NCAPD2: variants seen among roughly 807,000 people sequenced by gnomAD.
NCAPD2 encodes condensin complex subunit 1.
A neutral mutation model predicts 164.5 loss-of-function variants in NCAPD2; 100 were observed. That is an observed-to-expected ratio of 0.61 (90% CI 0.52 to 0.72). NCAPD2 has a LOEUF of 0.72. Among genes scored for constraint, NCAPD2 ranks in the 30% least tolerant of loss-of-function variants. The pLI is 0.00. For synonymous variants in NCAPD2, 585 were observed against 642.6 expected (o/e 0.91, Z 1.36); for missense variants, 1,560 against 1,749.2 (o/e 0.89, Z 1.93).
chr12:6,529,296 C>A (rs1271709662), intron 27 of NCAPD2: 1 of 619,138 alleles, frequency 1.6e-6, no homozygotes, highest in Non-Finnish European at 2.8e-6. Context: ...GCAGCTGCTC[C>A]TGTTAATTTC....
intron 2 of NCAPD2, among the ~76,000 whole-genome samples, chr12:6,504,837 T>A (rs1196845436): frequency 1.3e-5 from 2 of 152,150 alleles, no homozygotes; most frequent in African/African-American, 2.4e-5. Flanking sequence ...ACATGATGAA[T>A]CATGTAAAAT....
rs1336881272 is a variant in NCAPD2, at chr12:6,516,754, A to G, written c.988-74A>G. 4 of 1,477,706 alleles carry G rather than the reference A, an allele frequency of 2.7e-6. No homozygotes were observed. The Admixed American group carries it at 5.3e-5, about 20-fold the overall frequency. 91.5% of individuals were successfully genotyped at this position (1,477,706 alleles called of 1,614,324 possible). A position where few individuals can be genotyped will look rare whatever the true frequency, so the allele number is the denominator to read the frequency against. Reference sequence around the variant, plus strand: ...GAGTGAATACCTAGGCAGTTAATGGAAAAAGTTATGGCCAAGCACAAGCAA... The same window carrying G: ...GAGTGAATACCTAGGCAGTTAATGGGAAAAGTTATGGCCAAGCACAAGCAA... On this transcript the variant is annotated intron_variant, in intron 9 of 31. Coordinates refer to ENST00000315579, the MANE Select transcript of NCAPD2 (RefSeq NM_014865.4).
At position 6,527,389 on chromosome 12, in the gene NCAPD2, CG is replaced by C. The variant is rs774808197; in HGVS notation, c.2907+328del. Among the ~76,000 whole-genome samples, 5 of 152,338 alleles carry C rather than the reference CG, an allele frequency of 3.3e-5. No homozygotes were observed. The East Asian group carries it at 7.7e-4, about 24-fold the overall frequency. On this transcript the variant is annotated intron_variant, in intron 22 of 31. Coordinates refer to ENST00000315579, the MANE Select transcript of NCAPD2 (RefSeq NM_014865.4). ...TCAGCTTCCATTGCTGGCCTGGCCCCGGATGGGGCCCTGTGTTCCCTCCACT... is the reference window on the plus strand; with the variant it reads ...TCAGCTTCCATTGCTGGCCTGGCCCCGATGGGGCCCTGTGTTCCCTCCACT...
intron 21 of NCAPD2, 112 bp downstream of exon 21, chr12:6,526,727 G>A (rs1233734106): frequency 3.7e-5 from 54 of 1,465,812 alleles, no homozygotes; most frequent in Admixed American, 4.1e-5. Flanking sequence ...ACACTGTGTC[G>A]TTTTTGTCTA....
At chr12:6,525,770 G>T in intron 18 of NCAPD2, 54 bp downstream of exon 18, 1 of 1,592,862 alleles carries the variant, frequency 6.3e-7, no homozygotes. Flanking sequence ...AAGGTTCTGA[G>T]AGGGCTCCTT....
At chr12:6,504,184 T>TATATATATATATATATAC (rs1946068977) in intron 2 of NCAPD2, among the ~76,000 whole-genome samples, 2 of 20,388 alleles carry the variant, frequency 9.8e-5, no homozygotes, top group Non-Finnish European at 1.8e-4. Context: ...TATATATACA[T>TATATATATATATATATAC]ATATATATAT....
chr12:6,522,594 G>C (rs1470524077), intron 15 of NCAPD2, among the ~76,000 whole-genome samples: 2 of 139,158 alleles, frequency 1.4e-5, no homozygotes, highest in Non-Finnish European at 3.1e-5. Context: ...CTTAAGAAAA[G>C]AAAAAAAAAA....
Position 6,528,950 on chromosome 12 carries a change from C to T in NCAPD2, c.3483C>T (p.Asn1161=), listed in dbSNP as rs740850. ...NFFNELSHKG[N]AIYNLLPDII... ...TGGCTCTCTCTGTCTTACAGGGCAA[C>T]GCAATCTATAATCTCCTTCCAGATA... is the stretch of plus-strand genomic sequence containing the variant. The change falls in exon 27 of 32, where the codon AAC becomes AAT. Residue 1161 remains asparagine, a synonymous_variant. Coordinates refer to ENST00000315579, the MANE Select transcript of NCAPD2 (RefSeq NM_014865.4). This position sits in a 1 kb window ranked among gnomAD's most constrained non-coding sequence, Gnocchi z 5.1. 444,384 of 1,613,344 alleles carry T rather than the reference C, an allele frequency of 0.28. 65,096 individuals carry two copies. The highest frequency in any genetic ancestry group is 0.51 in the African/African-American group (38,203 of 74,920).
chr12:6,524,277 A>G (rs1946294605), intron 17 of NCAPD2, among the ~76,000 whole-genome samples: 1 of 152,168 alleles, frequency 6.6e-6, no homozygotes, highest in African/African-American at 2.4e-5. Context: ...GAGGGAGGGC[A>G]TTTCAAACAG....
In NCAPD2 at chr12:6,528,498, A is replaced by C; in HGVS notation, c.3299+170A>C. ...GCTAAGAGTCACCCCAGTGGGACTGACACTTCTGGTTAGAAGCTTCACCTC... is the reference window on the plus strand; with the variant it reads ...GCTAAGAGTCACCCCAGTGGGACTGCCACTTCTGGTTAGAAGCTTCACCTC... On this transcript the variant is annotated intron_variant, in intron 25 of 31. Coordinates refer to ENST00000315579, the MANE Select transcript of NCAPD2 (RefSeq NM_014865.4). The surrounding 1 kb of genome is among the most constrained non-coding windows in gnomAD (Gnocchi z 5.1). 7.9e-6 allele frequency: 9 copies of C among 1,136,640 alleles called. No individual in the cohort carries two copies. Among genetic ancestry groups the C allele is most frequent in the Non-Finnish European group, 1.1e-5 (9 of 800,438 alleles). The allele number at this position is 1,136,640 out of a possible 1,614,324, so 70.4% of individuals were successfully genotyped here.
In NCAPD2 at chr12:6,527,935, C is replaced by T. The variant is rs372679971; in HGVS notation, c.3020-33C>T. ...AGCAGTTTCTTCCCAATTAAGATAA[C>T]CTGTCCCAAACCTGCAGTTACTCTT... is the stretch of plus-strand genomic sequence containing the variant. On this transcript the variant is annotated intron_variant, in intron 23 of 31. Transcript: ENST00000315579. The T allele has an allele frequency of 7.4e-6, 12 of 1,614,064 alleles. No individual in the cohort carries two copies. In the African/African-American group the frequency reaches 1.5e-4, roughly 20 times the overall value.
chr12:6,504,232 T>TATATATATATACATATATAC, intron 2 of NCAPD2, among the ~76,000 whole-genome samples: 1 of 102,768 alleles, frequency 9.7e-6, no homozygotes, highest in South Asian at 3.4e-4. Flanking sequence ...TAGATATATA[T>TATATATATATACATATATAC]ATATATATAT....
intron 1 of NCAPD2, among the ~76,000 whole-genome samples, 166 bp downstream of exon 1, chr12:6,494,320 CGCTT>C (rs1945954824): frequency 2.5e-5 from 1 of 40,206 alleles, no homozygotes; most frequent in African/African-American, 1.8e-4. Context: ...TTAAGCAAAT[CGCTT>C]AACAGATCCG....
chr12:6,510,437 G>C, intron 4 of NCAPD2, 192 bp from the exon 5 acceptor site: 1 of 799,630 alleles, frequency 1.3e-6, no homozygotes, highest in Non-Finnish European at 2.2e-6. Flanking sequence ...GGTAACTGGA[G>C]TGAGAGAGTA....
At chr12:6,513,239 C>T (rs549378842) in intron 6 of NCAPD2, among the ~76,000 whole-genome samples, 25 of 152,286 alleles carry the variant, frequency 1.6e-4, no homozygotes, top group African/African-American at 4.8e-4. Flanking sequence ...CCCTAGGGCA[C>T]TCCAGCATTA....
intron 9 of NCAPD2, among the ~76,000 whole-genome samples, chr12:6,516,195 C>CAA (rs1229356308): frequency 7.2e-6 from 1 of 138,314 alleles, no homozygotes; most frequent in Admixed American, 7.5e-5. Context: ...GACTCTGTCT[C>CAA]AAAAAAAAAA....
chr12:6,507,269 C>A (rs956380237), intron 2 of NCAPD2, among the ~76,000 whole-genome samples: 4 of 152,212 alleles, frequency 2.6e-5, no homozygotes, highest in African/African-American at 9.7e-5. Context: ...GAGCCCAGCC[C>A]ATCTCATGAT....
At chr12:6,503,953 G>A (rs941584534) in intron 2 of NCAPD2, among the ~76,000 whole-genome samples, 1 of 152,036 alleles carries the variant, frequency 6.6e-6, no homozygotes, top group African/African-American at 2.4e-5. Flanking sequence ...ACTCCAGCCT[G>A]GGCGACAGAG....
At position 6,531,085 on chromosome 12, in the gene NCAPD2, C is replaced by T; in HGVS notation, c.4120+9C>T. ...TGAGTCCAGTGAGGAAGGTATGATG[C>T]TCCCGCCTGTTCCCGGCCGAGAAGG... On this transcript the variant is annotated intron_variant, in intron 31 of 31. Transcript: ENST00000315579. The surrounding 1 kb of genome is among the most constrained non-coding windows in gnomAD (Gnocchi z 4.1). 1 of 1,612,504 alleles carries T rather than the reference C, an allele frequency of 6.2e-7. No homozygotes were observed. Among genetic ancestry groups the T allele is most frequent in the Non-Finnish European group, 8.5e-7 (1 of 1,179,726 alleles).
Sources: gnomAD v4.1 joint callset for allele counts (sites outside exome capture counted in the v4.1 genomes callset) on GRCh38, gnomAD v4.1.1 for gene constraint, Gnocchi (gnomAD v3.1) non-coding constraint, MANE v1.5 for transcripts, NCBI Gene and HGNC (gene_info 2026-07-23, HGNC 2026-07-21) for gene names.